Variants in DCAF1 observed in about 807,000 individuals in gnomAD.
DCAF1 encodes DDB1- and CUL4-associated factor 1.
In DCAF1, 15 loss-of-function variants were observed where a neutral mutation model predicts 128.0. The observed-to-expected ratio is 0.12, with a 90% CI of 0.08 to 0.18. DCAF1 has a LOEUF of 0.18. Among genes scored for constraint, DCAF1 ranks in the 10% least tolerant of loss-of-function variants. The pLI is 1.00. For synonymous variants in DCAF1, 610 were observed against 603.0 expected, an observed-to-expected ratio of 1.01 and a Z score of -0.17; for missense variants, 988 against 1,649.5, an observed-to-expected ratio of 0.60 and a Z score of 6.95.
At chr3:51,494,593 G>C (rs1488567456) in intron 2 of DCAF1, among the ~76,000 whole-genome samples, 3 of 152,088 alleles carry the variant, frequency 2.0e-5, no homozygotes, top group African/African-American at 7.2e-5. Context: ...AGAAGAGACT[G>C]CTTCTTAGAT....
Position 51,413,316 on chromosome 3 carries a change from G to A in DCAF1, c.4002C>T (p.Phe1334=). 6.2e-7 allele frequency: 1 copy of A among 1,613,592 alleles called. No homozygotes were observed. The highest frequency in any genetic ancestry group is 8.5e-7 in the Non-Finnish European group (1 of 1,179,746). ...TGTAGTCAGTTGCATTAAATGTTCG[G>A]AAGGATGACCCAAAGGGGCTTTTCA... The part of the protein sequence containing the change: ...ERMKSPFGSS[F]RTFNATDYKP... The change falls in exon 21 of 25, where the codon TTC becomes TTT. Residue 1334 remains phenylalanine (F), a synonymous_variant. Transcript: ENST00000684031.
intron 6 of DCAF1, among the ~76,000 whole-genome samples, chr3:51,459,181 G>A (rs190197957): frequency 2.2e-3 from 338 of 152,104 alleles, no homozygotes; most frequent in Non-Finnish European, 3.8e-3. Context: ...AATAAGAAAA[G>A]ACAGAAGGAT....
chr3:51,427,597 A>C, intron 12 of DCAF1, 56 bp from the exon 13 acceptor site: 1 of 484,262 alleles, frequency 2.1e-6, no homozygotes. Context: ...TCTGCCTACT[A>C]CCTCCTTGAG....
intron 3 of DCAF1, among the ~76,000 whole-genome samples, chr3:51,481,713 G>A (rs782340226): frequency 2.0e-5 from 3 of 148,312 alleles, no homozygotes; most frequent in East Asian, 2.0e-4. Context: ...AAAATATGCC[G>A]GGCACAGTGG....
At chr3:51,422,541 A>C in intron 13 of DCAF1, 110 bp from the exon 14 acceptor site, 1 of 658,230 alleles carries the variant, frequency 1.5e-6, no homozygotes, top group Non-Finnish European at 2.8e-6. Flanking sequence ...GAGACAATAA[A>C]TCAGAAGCAC....
chr3:51,478,308 GTTAGTC>G (rs1455808995), intron 3 of DCAF1, among the ~76,000 whole-genome samples: 5 of 152,044 alleles, frequency 3.3e-5, no homozygotes, highest in Non-Finnish European at 7.4e-5. Flanking sequence ...CCAGGCCTCC[GTTAGTC>G]TTAGTTGCTT....
intron 2 of DCAF1, among the ~76,000 whole-genome samples, chr3:51,492,508 C>A (rs1248890124): frequency 6.6e-6 from 1 of 151,862 alleles, no homozygotes; most frequent in Admixed American, 6.6e-5. Context: ...AGGAGTGAGA[C>A]TTTGTCTTAA....
At chr3:51,432,342 C>T (rs1195987957) in intron 10 of DCAF1, among the ~76,000 whole-genome samples, 2 of 151,108 alleles carry the variant, frequency 1.3e-5, no homozygotes, top group African/African-American at 4.9e-5. Context: ...AGCTACCTGG[C>T]AGGCTGAGCA....
chr3:51,422,220 T>C (rs560278102), intron 14 of DCAF1, 87 bp downstream of exon 14: 9 of 689,992 alleles, frequency 1.3e-5, no homozygotes, highest in South Asian at 4.7e-5. Flanking sequence ...AATCCAAAAT[T>C]AGGTCAGGTA....
intron 13 of DCAF1, 103 bp from the exon 14 acceptor site, chr3:51,422,534 A>C: frequency 1.5e-6 from 1 of 668,908 alleles, no homozygotes; most frequent in Non-Finnish European, 2.8e-6. Flanking sequence ...ACACACAGAG[A>C]CAATAAATCA....
intron 2 of DCAF1, among the ~76,000 whole-genome samples, chr3:51,485,715 A>ATCATTATTGCATT (rs1269802458): frequency 6.6e-6 from 1 of 152,226 alleles, no homozygotes; most frequent in East Asian, 1.9e-4. Context: ...AAAAGATGAT[A>ATCATTATTGCATT]TCATTATTGC....
At chr3:51,435,674 G>C (rs927977983) in intron 9 of DCAF1, among the ~76,000 whole-genome samples, 5 of 147,742 alleles carry the variant, frequency 3.4e-5, no homozygotes, top group Admixed American at 6.9e-5. Flanking sequence ...TCATGCCACT[G>C]CACTCCAGCC....
At chr3:51,498,699 T>C (rs1559593453) in intron 1 of DCAF1, among the ~76,000 whole-genome samples, 2 of 152,238 alleles carry the variant, frequency 1.3e-5, no homozygotes, top group Non-Finnish European at 2.9e-5. Flanking sequence ...AATTCTCTAT[T>C]ATCTCTTTAA....
chr3:51,503,310 C>A (rs1326126791), upstream of DCAF1, among the ~76,000 whole-genome samples: 1 of 152,204 alleles, frequency 6.6e-6, no homozygotes, highest in African/African-American at 2.4e-5. Flanking sequence ...CACCTCCAAG[C>A]ACACCCACTC....
chr3:51,461,593 C>G (rs1703579987), intron 6 of DCAF1, among the ~76,000 whole-genome samples: 1 of 152,094 alleles, frequency 6.6e-6, no homozygotes. Flanking sequence ...AATCATGCTG[C>G]TATAAAGACA....
chr3:51,402,566 A>ATTTTTTTT lies in DCAF1; in HGVS notation c.4465+569_4465+576dup, dbSNP rs540396047. Among the ~76,000 whole-genome samples, 97 of 84,976 alleles carry ATTTTTTTT rather than the reference A, an allele frequency of 1.1e-3. 7 individuals are homozygous for ATTTTTTTT. The highest frequency in any genetic ancestry group is 1.3e-3 in the Non-Finnish European group (65 of 50,134). 55.7% of individuals were successfully genotyped at this position (84,976 alleles called of 152,430 possible). On this transcript the variant is annotated intron_variant, in intron 24 of 24. Coordinates refer to ENST00000684031, the MANE Select transcript of DCAF1 (RefSeq NM_001387579.1). Reference sequence around the variant, plus strand: ...ACAAAGGCCATATACCCTACAAAGCATTTTTTTTTTTTTTTTTTTTTTTTT... The same window carrying ATTTTTTTT: ...ACAAAGGCCATATACCCTACAAAGCATTTTTTTTTTTTTTTTTTTTTTTTTTTTTTTTT...
Position 51,437,266 on chromosome 3 carries a change from C to CAAAAAAAAA in DCAF1, c.1128+3695_1128+3703dup, listed in dbSNP as rs71633071. ...CCAGGTGACAGATAAGACTCCATGT[C>CAAAAAAAAA]AAAAAAAAAAAAAAAAAAAAAAAAG... is the stretch of plus-strand genomic sequence containing the variant. On this transcript the variant is annotated intron_variant, in intron 9 of 24. Transcript: ENST00000684031. 1.2e-3 allele frequency: 306 copies of CAAAAAAAAA among 256,176 alleles called. 1 individual carries two copies. Among genetic ancestry groups the CAAAAAAAAA allele is most frequent in the African/African-American group, 1.6e-3 (33 of 20,880 alleles). 15.9% of individuals were successfully genotyped at this position (256,176 alleles called of 1,614,324 possible). A position where few individuals can be genotyped will look rare whatever the true frequency, so the allele number is the denominator to read the frequency against.
intron 23 of DCAF1, among the ~76,000 whole-genome samples, chr3:51,407,883 G>A (rs1303299722): frequency 6.6e-6 from 1 of 150,796 alleles, no homozygotes; most frequent in African/African-American, 2.4e-5. Context: ...GCTACTCAGG[G>A]AGGCTGAGGC....
At chr3:51,505,224 AC>A in the DCAF1 span, among the ~76,000 whole-genome samples, 1 of 152,074 alleles carries the variant, frequency 6.6e-6, no homozygotes. Flanking sequence ...AGATCACACC[AC>A]TGCACTCCAG....
Sources: gnomAD v4.1 joint callset for allele counts (sites outside exome capture counted in the v4.1 genomes callset) on GRCh38, gnomAD v4.1.1 for gene constraint, MANE v1.5 for transcripts, NCBI Gene and HGNC (gene_info 2026-07-23, HGNC 2026-07-21) for gene names.